The following ARHGAP15 variants were observed in gnomAD, a reference collection of about 807,000 sequenced individuals.
ARHGAP15 encodes Rho GTPase activating protein 15, also known as rho GTPase-activating protein 15.
Under a neutral mutation model 63.7 loss-of-function variants are expected in ARHGAP15, and 51 were observed. The ratio of observed to expected loss-of-function variants is 0.80; its 90% CI spans 0.64 to 1.01. The LOEUF is 1.01. Among genes scored for constraint, ARHGAP15 ranks in the 50% least tolerant of loss-of-function variants. The pLI is 0.00. For missense variants in ARHGAP15, 560 were observed against 564.6 expected (o/e 0.99, Z 0.08); for synonymous variants, 191 against 193.8 (o/e 0.99, Z 0.12).
chr2:143,416,823 C>T (rs1295066283), intron 6 of ARHGAP15, among the ~76,000 whole-genome samples: 1 of 36,098 alleles, frequency 2.8e-5, no homozygotes, highest in Non-Finnish European at 6.0e-5. Context: ...CCCCCACCAC[C>T]CCCCCACCCC....
chr2:143,323,645 C>G (rs1373491465), intron 6 of ARHGAP15, among the ~76,000 whole-genome samples: 1 of 151,802 alleles, frequency 6.6e-6, no homozygotes, highest in African/African-American at 2.4e-5. Flanking sequence ...GCCTGTAATC[C>G]CAGCACTGTG....
At chr2:143,343,108 AATT>A (rs1685131741) in intron 6 of ARHGAP15, among the ~76,000 whole-genome samples, 1 of 152,100 alleles carries the variant, frequency 6.6e-6, no homozygotes, top group South Asian at 2.1e-4. Context: ...AAGACAGTAT[AATT>A]AGTAGTAGGG....
At chr2:143,573,287 C>T (rs1453811200) in intron 11 of ARHGAP15, among the ~76,000 whole-genome samples, 1 of 152,170 alleles carries the variant, frequency 6.6e-6, no homozygotes, top group Non-Finnish European at 1.5e-5. Flanking sequence ...GTTTCAAGGA[C>T]TTCTCTTGTT....
intron 8 of ARHGAP15, among the ~76,000 whole-genome samples, chr2:143,450,724 A>C (rs1248605317): frequency 6.6e-6 from 1 of 151,988 alleles, no homozygotes; most frequent in Non-Finnish European, 1.5e-5. Flanking sequence ...GGAAAAAAAG[A>C]AGAAGAAAAT....
At chr2:143,733,114 C>T (rs1685610081) in intron 13 of ARHGAP15, among the ~76,000 whole-genome samples, 1 of 152,076 alleles carries the variant, frequency 6.6e-6, no homozygotes, top group Admixed American at 6.6e-5. Flanking sequence ...AATGTTGAGG[C>T]AACTCTCAGT....
At chr2:143,643,932 G>A (rs1680738009) in intron 12 of ARHGAP15, among the ~76,000 whole-genome samples, 1 of 152,062 alleles carries the variant, frequency 6.6e-6, no homozygotes, top group South Asian at 2.1e-4. Context: ...CAAATTATCA[G>A]TCAGATGATT....
At chr2:143,320,834 T>C (rs1683983897) in intron 6 of ARHGAP15, among the ~76,000 whole-genome samples, 1 of 152,072 alleles carries the variant, frequency 6.6e-6, no homozygotes, top group Non-Finnish European at 1.5e-5. Context: ...AAGTGACTTT[T>C]TAAGATTCAT....
chr2:143,535,896 A>C (rs546842252), intron 10 of ARHGAP15, among the ~76,000 whole-genome samples: 142 of 152,198 alleles, frequency 9.3e-4, no homozygotes, highest in Non-Finnish European at 4.4e-4. Context: ...TGTATCAATG[A>C]ACATCAGCAT....
At chr2:143,308,058 T>A (rs1384184609) in intron 6 of ARHGAP15, among the ~76,000 whole-genome samples, 2 of 152,150 alleles carry the variant, frequency 1.3e-5, no homozygotes, top group African/African-American at 4.8e-5. Flanking sequence ...ATGCAAACTT[T>A]TAACTGTGAG....
chr2:143,711,854 A>G (rs1251501338), intron 13 of ARHGAP15, among the ~76,000 whole-genome samples: 1 of 152,190 alleles, frequency 6.6e-6, no homozygotes, highest in Non-Finnish European at 1.5e-5. Context: ...ACTTGAGCCC[A>G]GGAGTTCGGA....
At chr2:143,403,142 T>C (rs1318576606) in intron 6 of ARHGAP15, among the ~76,000 whole-genome samples, 1 of 151,932 alleles carries the variant, frequency 6.6e-6, no homozygotes, top group African/African-American at 2.4e-5. Context: ...TATTCTAAAG[T>C]AAATCTAGTT....
chr2:143,505,161 T>C (rs1346772686), intron 9 of ARHGAP15, among the ~76,000 whole-genome samples: 1 of 152,206 alleles, frequency 6.6e-6, no homozygotes, highest in East Asian at 1.9e-4. Context: ...GACTGTGTTT[T>C]ACCAACTAAT....
chr2:143,648,012 G>T (rs1441714745), intron 12 of ARHGAP15, among the ~76,000 whole-genome samples: 4 of 151,976 alleles, frequency 2.6e-5, no homozygotes, highest in Admixed American at 6.6e-5. Flanking sequence ...CGGAATATTA[G>T]TCCACTCAGA....
chr2:143,705,659 C>A (rs1214411938), intron 13 of ARHGAP15, among the ~76,000 whole-genome samples: 1 of 152,094 alleles, frequency 6.6e-6, no homozygotes, highest in Non-Finnish European at 1.5e-5. Context: ...AAAGTATACC[C>A]TTTAATGCTA....
chr2:143,352,237 A>C (rs1279317639), intron 6 of ARHGAP15, among the ~76,000 whole-genome samples: 1 of 152,174 alleles, frequency 6.6e-6, no homozygotes, highest in African/African-American at 2.4e-5. Flanking sequence ...ATAGTTTGGA[A>C]AACATTTGTT....
intron 5 of ARHGAP15, chr2:143,237,836 C>G (rs922212528): frequency 2.0e-5 from 3 of 152,042 alleles, no homozygotes; most frequent in Non-Finnish European, 2.9e-5. Flanking sequence ...CAGTAGAAAG[C>G]CTATATGTTG....
intron 6 of ARHGAP15, among the ~76,000 whole-genome samples, chr2:143,334,064 GATACTTCC>G (rs1684664781): frequency 1.3e-5 from 2 of 152,164 alleles, no homozygotes; most frequent in Non-Finnish European, 2.9e-5. Context: ...TAAGTGTTCA[GATACTTCC>G]ATCTTACACT....
intron 13 of ARHGAP15, among the ~76,000 whole-genome samples, chr2:143,765,918 T>C (rs891517504): frequency 1.3e-5 from 2 of 152,148 alleles, no homozygotes; most frequent in Non-Finnish European, 2.9e-5. Context: ...GTTATGATGA[T>C]GAAATGAGAC....
chr2:143,330,576 G>A (rs1684506301), intron 6 of ARHGAP15, among the ~76,000 whole-genome samples: 1 of 152,122 alleles, frequency 6.6e-6, no homozygotes, highest in Non-Finnish European at 1.5e-5. Context: ...GAAACCTAGT[G>A]AATCAGGCCT....
Sources: allele counts gnomAD v4.1 joint callset (sites outside exome capture counted in the v4.1 genomes callset), GRCh38; gene constraint gnomAD v4.1.1; transcripts MANE v1.5; gene names NCBI Gene and HGNC (gene_info 2026-07-23, HGNC 2026-07-21).